REPS2: variants seen among roughly 807,000 people sequenced by gnomAD.
REPS2 encodes ralBP1-associated Eps domain-containing protein 2.
In REPS2, 23 loss-of-function variants were observed where a neutral mutation model predicts 53.6. The ratio of observed to expected loss-of-function variants is 0.43; its 90% CI spans 0.31 to 0.61. The LOEUF is 0.61. REPS2 is among the 20% of genes least tolerant of loss of function. The pLI is 0.11. For synonymous variants in REPS2, 238 were observed against 218.6 expected (o/e 1.09, Z -0.78); for missense variants, 446 against 534.9 (o/e 0.83, Z 1.64).
intron 6 of REPS2, among the ~76,000 whole-genome samples, chrX:17,050,198 T>TTCTTTCTTTCTTTCTTTCTTTCTTTC (rs1555926872): frequency 4.4e-5 from 1 of 22,966 alleles, no homozygotes; most frequent in African/African-American, 2.0e-4. Flanking sequence ...TTCTTTCTTT[T>TTCTTTCTTTCTTTCTTTCTTTCTTTC]TTTTTTTTTT....
rs746608999 is a variant in REPS2, at chrX:16,946,753, TGGCGGCGGC to T, written c.-96_-88del. The T allele has an allele frequency of 1.8e-4, 133 of 722,231 alleles. No homozygotes were observed. The highest frequency in any genetic ancestry group is 8.0e-4 in the Middle Eastern group (1 of 1,253). 59.5% of individuals were successfully genotyped at this position (722,231 alleles called of 1,213,427 possible). On this transcript the variant is annotated 5_prime_UTR_variant, in exon 1 of 18. Transcript: ENST00000357277. ...GGGGTGGTGGTGGCGGCGGCGGTGGTGGCGGCGGCGGCGGCGGCGGCAGCTGAGGCCGAG... is the reference window on the plus strand; with the variant it reads ...GGGGTGGTGGTGGCGGCGGCGGTGGTGGCGGCGGCGGCAGCTGAGGCCGAG...
At chrX:17,002,567 G>C (rs1308193219) in intron 1 of REPS2, among the ~76,000 whole-genome samples, 2 of 112,313 alleles carry the variant, frequency 1.8e-5, no homozygotes, top group African/African-American at 6.5e-5. Context: ...GAATGGGAAA[G>C]GAAAACCCAG....
At chrX:17,178,131 T>C in the REPS2 span, among the ~76,000 whole-genome samples, 1 of 111,914 alleles carries the variant, frequency 8.9e-6, no homozygotes, top group Non-Finnish European at 1.9e-5. Context: ...TTTTGGTAAA[T>C]AGAGGAGACA....
the REPS2 span, among the ~76,000 whole-genome samples, chrX:17,170,052 T>C: frequency 8.9e-6 from 1 of 112,813 alleles, no homozygotes; most frequent in Non-Finnish European, 1.9e-5. Context: ...GAGTGGACTT[T>C]GCATGAGCAA....
Position 17,152,641 on chromosome X carries a change from G to T in REPS2, c.*5160G>T, listed in dbSNP as rs747659081. 2 of 112,747 alleles carry T rather than the reference G, an allele frequency of 1.8e-5. No homozygotes were observed. Among genetic ancestry groups the T allele is most frequent in the South Asian group, 7.4e-4 (2 of 2,708 alleles). The allele number at this position is 112,747 out of a possible 1,213,427, so 9.3% of individuals were successfully genotyped here. ...CCAGATCCTAAAGCTCTTTCAGGGA[G>T]CTCTTCTCTGGGGCTGGAACAGTTG... On this transcript the variant is annotated 3_prime_UTR_variant, in exon 18 of 18. Coordinates refer to ENST00000357277, the MANE Select transcript of REPS2 (RefSeq NM_004726.3).
chrX:17,128,300 C>T (rs2063242862), intron 14 of REPS2, among the ~76,000 whole-genome samples: 1 of 110,483 alleles, frequency 9.1e-6, no homozygotes, highest in Non-Finnish European at 1.9e-5. Flanking sequence ...CTGATCCACA[C>T]AGGCAGGATT....
In REPS2 at chrX:17,037,595, C is replaced by T. The variant is rs1307227560; in HGVS notation, c.771+7972C>T. Among the ~76,000 whole-genome samples, 3 of 112,791 alleles carry T rather than the reference C, an allele frequency of 2.7e-5. No homozygotes were observed. The Admixed American group carries it at 2.8e-4, about 11-fold the overall frequency. On this transcript the variant is annotated intron_variant, in intron 5 of 17. Coordinates refer to ENST00000357277, the MANE Select transcript of REPS2 (RefSeq NM_004726.3). Reference sequence around the variant, plus strand: ...CCTCCCAAAGTACTAGGATTACAGGCGTGAGCCACCATGCCCGGCCTCTAC... The same window carrying T: ...CCTCCCAAAGTACTAGGATTACAGGTGTGAGCCACCATGCCCGGCCTCTAC...
chrX:17,043,485 G>C lies in REPS2; in HGVS notation c.772-3862G>C, dbSNP rs1381416899. 8.4e-5 allele frequency among the ~76,000 whole-genome samples: 7 copies of C among 82,874 alleles called. No homozygotes were observed. The Admixed American group carries it at 1.1e-3, about 12-fold the overall frequency. The allele number at this position is 82,874 out of a possible 115,157, so 72.0% of individuals were successfully genotyped here. On this transcript the variant is annotated intron_variant, in intron 5 of 17. Transcript: ENST00000357277. ...TTGCTCCACTGTCCACTTATCTTTA[G>C]GCTTCTGCAGCCTTTCTTGCCCCCC...
intron 1 of REPS2, among the ~76,000 whole-genome samples, chrX:16,956,586 C>T (rs2060600768): frequency 1.8e-5 from 2 of 112,046 alleles, no homozygotes; most frequent in African/African-American, 3.2e-5. Flanking sequence ...GTGAGATTCC[C>T]TCAGGCTGCT....
chrX:17,050,523 A>G (rs2061988011), intron 6 of REPS2, among the ~76,000 whole-genome samples: 1 of 110,957 alleles, frequency 9.0e-6, no homozygotes, highest in Non-Finnish European at 1.9e-5. Context: ...AGGTTCTACC[A>G]TCTAGCCTAG....
At chrX:17,013,724 T>C (rs1255375469) in intron 2 of REPS2, among the ~76,000 whole-genome samples, 2 of 110,723 alleles carry the variant, frequency 1.8e-5, no homozygotes, top group Non-Finnish European at 3.8e-5. Context: ...CTCATTAAGC[T>C]AAGGTCAACT....
intron 1 of REPS2, among the ~76,000 whole-genome samples, chrX:16,974,072 A>G (rs1182070482): frequency 9.0e-6 from 1 of 111,585 alleles, no homozygotes; most frequent in Non-Finnish European, 1.9e-5. Context: ...TAAGTTTGAA[A>G]ACTGTACATA....
At chrX:17,096,291 A>G (rs1025974379) in intron 13 of REPS2, among the ~76,000 whole-genome samples, 3 of 111,840 alleles carry the variant, frequency 2.7e-5, no homozygotes, top group African/African-American at 9.8e-5. Context: ...ACACTAGGAA[A>G]TGAAGCACAA....
chrX:17,141,937 C>T (rs937445733), intron 17 of REPS2, among the ~76,000 whole-genome samples: 69 of 111,516 alleles, frequency 6.2e-4, no homozygotes, highest in Non-Finnish European at 5.3e-4. Flanking sequence ...GGCCAAGGAG[C>T]TGGAATTGCT....
chrX:17,170,034 A>G, the REPS2 span, among the ~76,000 whole-genome samples: 2 of 112,931 alleles, frequency 1.8e-5, no homozygotes, highest in Admixed American at 9.3e-5. Context: ...GAGGAGAACC[A>G]TTCAACAGAG....
At chrX:17,010,713 TG>T (rs1392149748) in intron 2 of REPS2, among the ~76,000 whole-genome samples, 1 of 111,268 alleles carries the variant, frequency 9.0e-6, no homozygotes, top group Non-Finnish European at 1.9e-5. Context: ...TGTCTACGCA[TG>T]AGGAGGGTGT....
At chrX:17,070,611 C>G (rs1172612793) in intron 11 of REPS2, among the ~76,000 whole-genome samples, 1 of 111,898 alleles carries the variant, frequency 8.9e-6, no homozygotes, top group Non-Finnish European at 1.9e-5. Flanking sequence ...AACAAAGTGG[C>G]TACAGAAGAC....
intron 9 of REPS2, among the ~76,000 whole-genome samples, chrX:17,066,374 C>T (rs947504910): frequency 8.9e-6 from 1 of 112,345 alleles, no homozygotes; most frequent in Non-Finnish European, 1.9e-5. Flanking sequence ...AGTCTTCTAA[C>T]TCATGAACAT....
At chrX:17,054,103 G>C (rs1387907871) in intron 7 of REPS2, among the ~76,000 whole-genome samples, 1 of 112,004 alleles carries the variant, frequency 8.9e-6, no homozygotes, top group African/African-American at 3.2e-5. Context: ...GAGTAAATAG[G>C]TCTGTGCCTT....
Sources: gnomAD v4.1 joint callset for allele counts (sites outside exome capture counted in the v4.1 genomes callset) on GRCh38, gnomAD v4.1.1 for gene constraint, MANE v1.5 for transcripts, NCBI Gene and HGNC (gene_info 2026-07-23, HGNC 2026-07-21) for gene names.